ANKRD31: variants seen among roughly 807,000 people sequenced by gnomAD.
ANKRD31 encodes ankyrin repeat domain 31.
In ANKRD31, 147 loss-of-function variants were observed where a neutral mutation model predicts 186.0. The ratio of observed to expected loss-of-function variants is 0.79; its 90% confidence interval spans 0.69 to 0.91. The LOEUF is 0.91. ANKRD31 is among the 40% of genes least tolerant of loss of function. The probability of loss-of-function intolerance (pLI) is 0.00; values close to 1 mark genes in which losing one functional copy is unlikely to be tolerated. For synonymous variants in ANKRD31, 673 were observed against 736.4 expected, an observed-to-expected ratio of 0.91 and a Z score of 1.39; for missense variants, 1,986 against 2,148.8, an observed-to-expected ratio of 0.92 and a Z score of 1.50.
chr5:75,180,947 C>T (rs536127675), intron 10 of ANKRD31, among the ~76,000 whole-genome samples: 1 of 151,960 alleles, frequency 6.6e-6, no homozygotes, highest in African/African-American at 2.4e-5. Context: ...GAACAGGCAA[C>T]CTACAAAATG....
intron 7 of ANKRD31, 48 bp downstream of exon 7, chr5:75,195,583 G>T (rs1755406376): frequency 1.4e-6 from 2 of 1,411,610 alleles, no homozygotes; most frequent in Non-Finnish European, 1.9e-6. Flanking sequence ...CAGCTAACTT[G>T]GAACCATGTT....
intron 17 of ANKRD31, among the ~76,000 whole-genome samples, chr5:75,136,195 G>A (rs1183105170): frequency 6.6e-6 from 1 of 152,166 alleles, no homozygotes; most frequent in Non-Finnish European, 1.5e-5. Context: ...CTCCTGCACA[G>A]CAAAAGAAAC....
At position 75,116,647 on chromosome 5, in the gene ANKRD31, T is replaced by C; in HGVS notation, c.4074A>G (p.Lys1358=). The part of the protein sequence containing the change: ...KIPAVRSKRH[K]QCFCDDGKTI... The stretch of plus-strand genomic sequence containing the variant: ...TTTTGCCATCATCACAAAAACACTG[T>C]TTATGTCTTTTAGACCGGACAGCAG... The change falls in exon 19 of 26, where the codon AAA becomes AAG. Residue 1358 remains lysine (K), a synonymous_variant. Coordinates refer to ENST00000506364, the MANE Select transcript of ANKRD31 (RefSeq NM_001372053.1). 2.1e-6 allele frequency: 3 copies of C among 1,447,808 alleles called. No individual in the cohort carries two copies. Among genetic ancestry groups the C allele is most frequent in the Non-Finnish European group, 2.7e-6 (3 of 1,093,008 alleles). 89.7% of individuals were successfully genotyped at this position (1,447,808 alleles called of 1,614,324 possible).
chr5:75,103,331 T>C (rs1747063588), intron 22 of ANKRD31, among the ~76,000 whole-genome samples: 1 of 152,150 alleles, frequency 6.6e-6, no homozygotes, highest in Admixed American at 6.5e-5. Flanking sequence ...ACAGCGATTA[T>C]TAAAAAGTCA....
intron 17 of ANKRD31, among the ~76,000 whole-genome samples, chr5:75,121,438 T>G (rs1748781857): frequency 6.6e-6 from 1 of 152,084 alleles, no homozygotes; most frequent in Non-Finnish European, 1.5e-5. Context: ...AGGAGTTAAA[T>G]TGAACTTTAG....
chr5:75,175,503 T>C (rs779997440), intron 10 of ANKRD31, among the ~76,000 whole-genome samples: 1 of 151,930 alleles, frequency 6.6e-6, no homozygotes, highest in African/African-American at 2.4e-5. Flanking sequence ...GAGTGAAAAA[T>C]ATCAGAACAG....
At position 75,084,382 on chromosome 5, in the gene ANKRD31, T is replaced by A. The variant is rs1469542480; in HGVS notation, c.5473-8A>T. The A allele has an allele frequency of 6.6e-7, 1 of 1,516,844 alleles. No homozygotes were observed. Among genetic ancestry groups the A allele is most frequent in the Non-Finnish European group, 8.9e-7 (1 of 1,128,482 alleles). The allele number at this position is 1,516,844 out of a possible 1,614,324, so 94.0% of individuals were successfully genotyped here. On this transcript the variant is annotated splice_region_variant and splice_polypyrimidine_tract_variant and intron_variant, in intron 23 of 25. Coordinates refer to ENST00000506364, the MANE Select transcript of ANKRD31 (RefSeq NM_001372053.1). ...CTTCCCAAGATACGTTACCTGCACA[T>A]AATTAAGCACAAAATTTATAAATCA...
chr5:75,118,173 T>G lies in ANKRD31; in HGVS notation c.4001A>C (p.Glu1334Ala), dbSNP rs1748449599. 5.9e-6 allele frequency: 9 copies of G among 1,514,854 alleles called. No homozygotes were observed. Among genetic ancestry groups the G allele is most frequent in the Middle Eastern group, 3.4e-4 (2 of 5,858 alleles). 93.8% of individuals were successfully genotyped at this position (1,514,854 alleles called of 1,614,324 possible). A position where few individuals can be genotyped will look rare whatever the true frequency, so the allele number is the denominator to read the frequency against. The part of the protein sequence containing the change: ...KELLRSYGAI[E>A]TVNRDESDAI... The stretch of plus-strand genomic sequence containing the variant: ...ATCACTCTCATCTCTATTAACAGTC[T>G]CAATAGCACCATAAGATCTTAGTAA... The change falls in exon 18 of 26, where the codon GAG becomes GCG. Residue 1334 changes from glutamate to alanine, a missense_variant. Physicochemically the swap from Glu to Ala is moderately radical, Grantham distance 107. Coordinates refer to ENST00000506364, the MANE Select transcript of ANKRD31 (RefSeq NM_001372053.1).
At chr5:75,106,605 G>A (rs1056968184) in intron 21 of ANKRD31, among the ~76,000 whole-genome samples, 5 of 151,924 alleles carry the variant, frequency 3.3e-5, no homozygotes, top group East Asian at 1.9e-4. Context: ...AAGAATTTAC[G>A]TATTGAAACT....
intron 17 of ANKRD31, among the ~76,000 whole-genome samples, chr5:75,120,425 C>T (rs1748671384): frequency 6.6e-6 from 1 of 152,014 alleles, no homozygotes; most frequent in Non-Finnish European, 1.5e-5. Flanking sequence ...ATCCCACTTG[C>T]AAGAGGCAAG....
intron 12 of ANKRD31, among the ~76,000 whole-genome samples, chr5:75,149,097 C>G (rs1402550718): frequency 6.6e-6 from 1 of 151,822 alleles, no homozygotes; most frequent in South Asian, 2.1e-4. Context: ...AAAAGGCCAA[C>G]CGTCTTGTGA....
At chr5:75,083,189 A>T (rs1001883152) in intron 24 of ANKRD31, among the ~76,000 whole-genome samples, 1 of 152,176 alleles carries the variant, frequency 6.6e-6, no homozygotes, top group Admixed American at 6.5e-5. Flanking sequence ...TTTGTACATG[A>T]AACAAAGTTT....
At chr5:75,217,345 T>G (rs1330679391) in intron 3 of ANKRD31, among the ~76,000 whole-genome samples, 1 of 152,154 alleles carries the variant, frequency 6.6e-6, no homozygotes, top group East Asian at 1.9e-4. Flanking sequence ...TATTATGGTG[T>G]GGGAGTCCAA....
chr5:75,205,213 A>C (rs1756094769), intron 5 of ANKRD31, among the ~76,000 whole-genome samples: 1 of 152,190 alleles, frequency 6.6e-6, no homozygotes, highest in African/African-American at 2.4e-5. Context: ...GTATTGAGAC[A>C]ATCTTTTGTA....
intron 20 of ANKRD31, among the ~76,000 whole-genome samples, chr5:75,108,726 T>C (rs1747533227): frequency 6.6e-6 from 1 of 152,082 alleles, no homozygotes; most frequent in Non-Finnish European, 1.5e-5. Flanking sequence ...GCCCTAATAC[T>C]GTGGCTGAGG....
At chr5:75,121,024 A>C (rs1349370494) in intron 17 of ANKRD31, among the ~76,000 whole-genome samples, 1 of 152,148 alleles carries the variant, frequency 6.6e-6, no homozygotes, top group African/African-American at 2.4e-5. Flanking sequence ...CTCTACTAAA[A>C]ATACAAAAAT....
intron 3 of ANKRD31, among the ~76,000 whole-genome samples, chr5:75,216,387 G>A (rs1451231228): frequency 6.6e-6 from 1 of 152,098 alleles, no homozygotes; most frequent in African/African-American, 2.4e-5. Context: ...ACCATGTTCT[G>A]AGGTACAATA....
At chr5:75,186,243 G>T (rs778569521) in intron 10 of ANKRD31, among the ~76,000 whole-genome samples, 1 of 151,904 alleles carries the variant, frequency 6.6e-6, no homozygotes. Flanking sequence ...AGAAATTGGA[G>T]GAAATCTCCT....
intron 17 of ANKRD31, among the ~76,000 whole-genome samples, chr5:75,131,320 C>T (rs555053479): frequency 3.2e-4 from 48 of 152,176 alleles, no homozygotes; most frequent in African/African-American, 8.7e-4. Flanking sequence ...GTTGCTAGCA[C>T]GTTATCACCT....
Sources: allele counts gnomAD v4.1 joint callset (sites outside exome capture counted in the v4.1 genomes callset), GRCh38; gene constraint gnomAD v4.1.1; transcripts MANE v1.5; gene names NCBI Gene and HGNC (gene_info 2026-07-23, HGNC 2026-07-21).